The following ANKH variants were observed in gnomAD, a reference collection of about 807,000 sequenced individuals.
ANKH encodes mineralization regulator ANKH.
In ANKH, 15 loss-of-function variants were observed where a neutral mutation model predicts 49.0. The ratio of observed to expected loss-of-function variants is 0.31; its 90% confidence interval spans 0.20 to 0.47. ANKH has a LOEUF of 0.47. Ranked by LOEUF, ANKH falls within the 20% of genes least tolerant of loss-of-function variation. The pLI, the probability that ANKH is intolerant of heterozygous loss-of-function variation, is 1.00. For synonymous variants in ANKH, 273 were observed against 260.0 expected, an observed-to-expected ratio of 1.05 and a Z score of -0.48; for missense variants, 429 against 652.0, an observed-to-expected ratio of 0.66 and a Z score of 3.72.
chr5:14,713,314 C>T lies in ANKH; in HGVS notation c.1265+230G>A, dbSNP rs1737311438. ...CCGTGCAGGGCCGGCCATGCCCTGA[C>T]AGGAGCTCAGTGGCTATTATTCGTG... On this transcript the variant is annotated intron_variant, in intron 10 of 11. Transcript: ENST00000284268. The surrounding 1 kb of genome is among the most constrained non-coding windows in gnomAD (Gnocchi z 4.4). 6.6e-6 allele frequency among the ~76,000 whole-genome samples: 1 copy of T among 152,188 alleles called. No individual in the cohort carries two copies. Among genetic ancestry groups the T allele is most frequent in the Non-Finnish European group, 1.5e-5 (1 of 68,044 alleles).
At chr5:14,829,184 C>CAAAAAA (rs56223225) in intron 1 of ANKH, among the ~76,000 whole-genome samples, 6 of 106,050 alleles carry the variant, frequency 5.7e-5, no homozygotes, top group East Asian at 2.5e-4. Flanking sequence ...GACTCTGTCT[C>CAAAAAA]AAAAAAAAAA....
intron 2 of ANKH, among the ~76,000 whole-genome samples, chr5:14,763,860 G>A (rs1580050148): frequency 6.6e-6 from 1 of 152,136 alleles, no homozygotes; most frequent in South Asian, 2.1e-4. Context: ...AGGCCGAGGC[G>A]GGTGGATCAC....
chr5:14,794,497 C>T (rs1740310654), intron 1 of ANKH, among the ~76,000 whole-genome samples: 1 of 152,222 alleles, frequency 6.6e-6, no homozygotes, highest in South Asian at 2.1e-4. Flanking sequence ...CTTTCGTATC[C>T]TAATTATCTA....
rs1319506666 is a variant in ANKH at position 14,705,861 on chromosome 5, C to T, written c.*5336G>A. On this transcript the variant is annotated 3_prime_UTR_variant, in exon 12 of 12. Transcript: ENST00000284268. ...AGCTGTTTCATTCAAACCGTGGGTC[C>T]CTGCATGTTCATGGCCCCACACTTC... 2 of 152,248 alleles carry T rather than the reference C, an allele frequency of 1.3e-5. No homozygotes were observed. Among genetic ancestry groups the T allele is most frequent in the African/African-American group, 4.8e-5 (2 of 41,416 alleles). 9.4% of individuals were successfully genotyped at this position (152,248 alleles called of 1,614,324 possible). A position where few individuals can be genotyped will look rare whatever the true frequency, so the allele number is the denominator to read the frequency against.
chr5:14,752,067 G>T (rs1326761472), intron 4 of ANKH, among the ~76,000 whole-genome samples: 11 of 152,164 alleles, frequency 7.2e-5, no homozygotes, highest in Non-Finnish European at 2.9e-5. Flanking sequence ...CAGTGCTTTG[G>T]GAGGCTGAGG....
chr5:14,859,421 T>C (rs967431640), intron 1 of ANKH, among the ~76,000 whole-genome samples: 1 of 152,244 alleles, frequency 6.6e-6, no homozygotes, highest in Non-Finnish European at 1.5e-5. Flanking sequence ...AGTTTTTTAA[T>C]GCAGGCTTTT....
In ANKH at chr5:14,770,308, A is replaced by G. The variant is rs553660530; in HGVS notation, c.97-1117T>C. On this transcript the variant is annotated intron_variant, in intron 1 of 11. Coordinates refer to ENST00000284268, the MANE Select transcript of ANKH (RefSeq NM_054027.6). This position sits in a 1 kb window ranked among gnomAD's most constrained non-coding sequence, Gnocchi z 4.1. ...TTACAATCAATGAATCTACACGGAC[A>G]CATCATTATTACTCAAAGACCAGAC... Among the ~76,000 whole-genome samples, 36 of 152,274 alleles carry G rather than the reference A, an allele frequency of 2.4e-4. 1 individual carries two copies. Among genetic ancestry groups the G allele is most frequent in the African/African-American group, 7.9e-4 (33 of 41,552 alleles).
chr5:14,830,359 G>A (rs1741465937), intron 1 of ANKH, among the ~76,000 whole-genome samples: 1 of 152,190 alleles, frequency 6.6e-6, no homozygotes, highest in South Asian at 2.1e-4. Context: ...ATGACCGAAG[G>A]TGGCGACAGC....
At chr5:14,856,617 T>TC (rs992420432) in intron 1 of ANKH, among the ~76,000 whole-genome samples, 5 of 91,598 alleles carry the variant, frequency 5.5e-5, no homozygotes, top group African/African-American at 1.8e-4. Context: ...ATGAACCATT[T>TC]CCCCTCTCCT....
intron 1 of ANKH, among the ~76,000 whole-genome samples, chr5:14,858,771 AAT>A (rs1232846123): frequency 6.7e-6 from 1 of 150,046 alleles, no homozygotes; most frequent in East Asian, 1.9e-4. Flanking sequence ...AATAAAATAA[AAT>A]ATATGCACAG....
chr5:14,723,538 C>G (rs1222315366), intron 8 of ANKH, among the ~76,000 whole-genome samples: 2 of 151,836 alleles, frequency 1.3e-5, no homozygotes, highest in African/African-American at 4.8e-5. Context: ...ACTTGGGAGG[C>G]TAAGGCGGGA....
intron 1 of ANKH, among the ~76,000 whole-genome samples, chr5:14,810,355 C>T (rs1740842584): frequency 6.6e-6 from 1 of 152,004 alleles, no homozygotes; most frequent in Non-Finnish European, 1.5e-5. Context: ...GGCGCGGTTT[C>T]ACCATGTTGG....
At chr5:14,731,976 T>C (rs1185480024) in intron 8 of ANKH, among the ~76,000 whole-genome samples, 2 of 152,282 alleles carry the variant, frequency 1.3e-5, no homozygotes, top group Non-Finnish European at 2.9e-5. Flanking sequence ...GACGGGTCCC[T>C]AGGAAGCATC....
At chr5:14,833,196 T>G (rs1741552395) in intron 1 of ANKH, among the ~76,000 whole-genome samples, 1 of 152,208 alleles carries the variant, frequency 6.6e-6, no homozygotes, top group Non-Finnish European at 1.5e-5. Context: ...CAGGTAAATA[T>G]TCATTCCATT....
At chr5:14,744,899 C>G (rs1344959276) in intron 7 of ANKH, among the ~76,000 whole-genome samples, 1 of 152,198 alleles carries the variant, frequency 6.6e-6, no homozygotes, top group African/African-American at 2.4e-5. Context: ...CAGGGCTTCC[C>G]GTGCCCAGGA....
At chr5:14,733,272 C>T (rs1738062094) in intron 8 of ANKH, among the ~76,000 whole-genome samples, 1 of 152,112 alleles carries the variant, frequency 6.6e-6, no homozygotes, top group Non-Finnish European at 1.5e-5. Context: ...ACAAAAAGAC[C>T]CCAGAAGAAT....
In ANKH at chr5:14,805,447, GTA is replaced by G. The variant is rs1237558347; in HGVS notation, c.97-36258_97-36257del. On this transcript the variant is annotated intron_variant, in intron 1 of 11. Coordinates refer to ENST00000284268, the MANE Select transcript of ANKH (RefSeq NM_054027.6). ...CCTATAAACATATATATGTGTGTGT[GTA>G]TATATATATGTACACACACATATAT... Among the ~76,000 whole-genome samples the G allele has an allele frequency of 7.6e-3, 667 of 87,658 alleles. 4 individuals carry two copies. The highest frequency in any genetic ancestry group is 0.027 in the African/African-American group (585 of 21,372). The allele number at this position is 87,658 out of a possible 152,430, so 57.5% of individuals were successfully genotyped here. A position where few individuals can be genotyped will look rare whatever the true frequency, so the allele number is the denominator to read the frequency against.
At chr5:14,735,813 C>A (rs557186353) in intron 8 of ANKH, among the ~76,000 whole-genome samples, 1 of 152,104 alleles carries the variant, frequency 6.6e-6, no homozygotes, top group Non-Finnish European at 1.5e-5. Flanking sequence ...CTCATCTTAA[C>A]CCTATTTCCA....
At chr5:14,735,132 CCT>C (rs752895300) in intron 8 of ANKH, among the ~76,000 whole-genome samples, 41 of 152,276 alleles carry the variant, frequency 2.7e-4, no homozygotes, top group Non-Finnish European at 4.9e-4. Context: ...GTCAATATCC[CCT>C]GTCCCCAGAG....
Sources: allele counts gnomAD v4.1 joint callset (sites outside exome capture counted in the v4.1 genomes callset), GRCh38; gene constraint gnomAD v4.1.1; non-coding constraint Gnocchi (gnomAD v3.1); transcripts MANE v1.5; gene names NCBI Gene and HGNC (gene_info 2026-07-23, HGNC 2026-07-21).